DNAI4: variants seen among roughly 807,000 people sequenced by gnomAD.
DNAI4 encodes dynein axonemal intermediate chain 4.
A neutral mutation model predicts 105.8 loss-of-function variants in DNAI4; 85 were observed. That is an observed-to-expected ratio of 0.80 (90% CI 0.67 to 0.96). The LOEUF (loss-of-function observed/expected upper bound fraction) is 0.96. Among genes scored for constraint, DNAI4 ranks in the 40% least tolerant of loss-of-function variants. The pLI is 0.00. For missense variants in DNAI4, 1,014 were observed against 1,005.6 expected (o/e 1.01, Z -0.11); for synonymous variants, 352 against 331.5 (o/e 1.06, Z -0.67).
chr1:66,867,695 T>C (rs1646761607), intron 6 of DNAI4, among the ~76,000 whole-genome samples: 1 of 151,866 alleles, frequency 6.6e-6, no homozygotes, highest in Non-Finnish European at 1.5e-5. Context: ...CCTGGAACTA[T>C]TTTTTTTAGT....
intron 2 of DNAI4, among the ~76,000 whole-genome samples, chr1:66,898,521 T>C (rs947791831): frequency 1.3e-5 from 2 of 152,010 alleles, no homozygotes; most frequent in African/African-American, 4.8e-5. Context: ...AGGGAGTGGA[T>C]TAGTTATCAT....
intron 10 of DNAI4, among the ~76,000 whole-genome samples, chr1:66,836,274 AAGAAAGAAAGAAAG>A (rs1328250580): frequency 8.3e-6 from 1 of 119,846 alleles, no homozygotes; most frequent in Non-Finnish European, 1.8e-5. Context: ...GAAAGAAAGA[AAGAAAGAAAGAAAG>A]AAAGAAAGAA....
At chr1:66,846,392 A>C (rs1250062104) in intron 8 of DNAI4, among the ~76,000 whole-genome samples, 1 of 152,196 alleles carries the variant, frequency 6.6e-6, no homozygotes, top group Non-Finnish European at 1.5e-5. Flanking sequence ...AATCAAGATA[A>C]ATTTCATAAA....
intron 9 of DNAI4, 83 bp from the exon 10 acceptor site, chr1:66,837,879 G>A: frequency 2.3e-6 from 3 of 1,296,714 alleles, no homozygotes; most frequent in Non-Finnish European, 3.2e-6. Flanking sequence ...ATATTAATGA[G>A]CTGTGTTAAA....
intron 7 of DNAI4, among the ~76,000 whole-genome samples, chr1:66,857,522 ACT>A (rs1178677124): frequency 6.6e-6 from 1 of 150,762 alleles, no homozygotes; most frequent in Non-Finnish European, 1.5e-5. Flanking sequence ...AATGTTAAAG[ACT>A]CTGCCCACAA....
intron 1 of DNAI4, among the ~76,000 whole-genome samples, chr1:66,922,490 T>TG (rs1388692011): frequency 6.6e-6 from 1 of 152,186 alleles, no homozygotes; most frequent in African/African-American, 2.4e-5. Context: ...TGAGATCCTG[T>TG]GGGGCCCTGT....
intron 3 of DNAI4, among the ~76,000 whole-genome samples, chr1:66,891,585 C>A (rs963779476): frequency 1.3e-5 from 2 of 152,224 alleles, no homozygotes; most frequent in Admixed American, 6.5e-5. Context: ...CCTCAGCCTC[C>A]TGAGTGGCTG....
chr1:66,858,078 A>T (rs927259206), intron 7 of DNAI4, among the ~76,000 whole-genome samples: 5 of 152,124 alleles, frequency 3.3e-5, no homozygotes, highest in African/African-American at 4.8e-5. Context: ...CCAAATACTA[A>T]AGGTAAAAAT....
chr1:66,876,576 T>A (rs530851472), intron 4 of DNAI4, among the ~76,000 whole-genome samples: 76 of 152,220 alleles, frequency 5.0e-4, no homozygotes, highest in African/African-American at 1.8e-3. Flanking sequence ...CAAATAGGAT[T>A]TTTGCCTGGA....
rs888230606 is a variant in DNAI4, at chr1:66,835,712, A to G, written c.1647T>C (p.Pro549=). The change falls in exon 11 of 17, where the codon CCT becomes CCC. Residue 549 remains proline, a synonymous_variant. Transcript: ENST00000371026. Reference sequence around the variant, plus strand: ...TGTGATAGCCAACGGCTAAAAGGTTAGGTGCTCCAATTGAAAAATCCACAG... The same window carrying G: ...TGTGATAGCCAACGGCTAAAAGGTTGGGTGCTCCAATTGAAAAATCCACAG... ...VTAVDFSIGA[P]NLLAVGYHNG... The G allele has an allele frequency of 1.9e-6, 3 of 1,614,034 alleles. No individual in the cohort carries two copies. The highest frequency in any genetic ancestry group is 2.5e-6 in the Non-Finnish European group (3 of 1,179,898).
At chr1:66,897,722 G>A (rs2100799824) in intron 2 of DNAI4, among the ~76,000 whole-genome samples, 1 of 152,332 alleles carries the variant, frequency 6.6e-6, no homozygotes, top group Non-Finnish European at 1.5e-5. Flanking sequence ...CAGAAGATGT[G>A]AGTCATAAGC....
intron 8 of DNAI4, among the ~76,000 whole-genome samples, chr1:66,842,119 A>G (rs1042915670): frequency 6.6e-6 from 1 of 152,216 alleles, no homozygotes; most frequent in Non-Finnish European, 1.5e-5. Flanking sequence ...TTTGCAGAGT[A>G]ATAGGCATTC....
chr1:66,902,527 T>C lies in DNAI4; in HGVS notation c.345+2674A>G, dbSNP rs78588854. On this transcript the variant is annotated intron_variant, in intron 2 of 16. Coordinates refer to ENST00000371026, the MANE Select transcript of DNAI4 (RefSeq NM_024763.5). ...GTGGGTTGTTTTTTCACTCTGTTAA[T>C]GTCTTTTGATAGACAGAAATTTCTA... Among the ~76,000 whole-genome samples, 283 of 152,324 alleles carry C rather than the reference T, an allele frequency of 1.9e-3. 5 individuals carry two copies. The East Asian group carries it at 0.043, about 23-fold the overall frequency.
intron 1 of DNAI4, among the ~76,000 whole-genome samples, chr1:66,907,312 T>G (rs1353913590): frequency 6.6e-6 from 1 of 152,214 alleles, no homozygotes; most frequent in Admixed American, 6.5e-5. Flanking sequence ...GACCTTTCCA[T>G]TTCTACCAAA....
chr1:66,867,773 C>T (rs576913293), intron 6 of DNAI4, among the ~76,000 whole-genome samples: 1 of 152,116 alleles, frequency 6.6e-6, no homozygotes, highest in South Asian at 2.1e-4. Context: ...GTTTTTGAAT[C>T]CTTATAAATA....
At chr1:66,825,249 G>A (rs1426172579) in intron 15 of DNAI4, among the ~76,000 whole-genome samples, 12 of 142,568 alleles carry the variant, frequency 8.4e-5, no homozygotes, top group African/African-American at 2.9e-4. Flanking sequence ...GCGCAATCTC[G>A]GCTCACTGCA....
chr1:66,886,491 G>A (rs762014066), intron 4 of DNAI4, among the ~76,000 whole-genome samples: 1 of 152,132 alleles, frequency 6.6e-6, no homozygotes, highest in Non-Finnish European at 1.5e-5. Context: ...GTAGCAGTTT[G>A]GTTGTGTTTA....
At chr1:66,895,127 T>C (rs1317027783) in intron 2 of DNAI4, among the ~76,000 whole-genome samples, 1 of 152,244 alleles carries the variant, frequency 6.6e-6, no homozygotes, top group African/African-American at 2.4e-5. Context: ...TTTTGTTATA[T>C]TTTTCCACAA....
chr1:66,850,942 A>C (rs1646383985), intron 7 of DNAI4, among the ~76,000 whole-genome samples: 1 of 151,996 alleles, frequency 6.6e-6, no homozygotes, highest in Admixed American at 6.5e-5. Context: ...GAAATATAAG[A>C]TAGATAAGAT....
Sources: gnomAD v4.1 joint callset for allele counts (sites outside exome capture counted in the v4.1 genomes callset) on GRCh38, gnomAD v4.1.1 for gene constraint, MANE v1.5 for transcripts, NCBI Gene and HGNC (gene_info 2026-07-23, HGNC 2026-07-21) for gene names.